Variants in GRID2 observed in about 807,000 individuals in gnomAD.
GRID2 encodes glutamate ionotropic receptor delta type subunit 2.
Under a neutral mutation model 114.8 loss-of-function variants are expected in GRID2, and 33 were observed. The observed-to-expected ratio is 0.29, with a 90% CI of 0.22 to 0.38. The LOEUF (loss-of-function observed/expected upper bound fraction) is 0.38. GRID2 is among the 10% of genes least tolerant of loss of function. GRID2 has a pLI of 1.00. For missense variants in GRID2, 1,184 were observed against 1,257.7 expected (o/e 0.94, Z 0.89); for synonymous variants, 505 against 449.9 (o/e 1.12, Z -1.55).
chr4:93,534,911 A>G (rs1458564394), intron 13 of GRID2, among the ~76,000 whole-genome samples: 2 of 148,904 alleles, frequency 1.3e-5, no homozygotes, highest in Non-Finnish European at 1.5e-5. Flanking sequence ...AGTATACAGT[A>G]TGTTGTTATT....
chr4:92,575,310 C>T (rs1372116322), intron 1 of GRID2, among the ~76,000 whole-genome samples: 1 of 152,182 alleles, frequency 6.6e-6, no homozygotes, highest in Non-Finnish European at 1.5e-5. Context: ...AAGTCTACTT[C>T]TGTCATTTCA....
At chr4:93,675,821 T>A (rs1724803095) in intron 14 of GRID2, among the ~76,000 whole-genome samples, 1 of 152,244 alleles carries the variant, frequency 6.6e-6, no homozygotes, top group Non-Finnish European at 1.5e-5. Context: ...TTTTCAAGGT[T>A]AAATTGCAAA....
chr4:92,652,963 C>CAT (rs1322961079), intron 2 of GRID2, among the ~76,000 whole-genome samples: 5 of 108,666 alleles, frequency 4.6e-5, no homozygotes, highest in African/African-American at 1.0e-4. Context: ...TATATATAAA[C>CAT]ATATTTATAA....
At chr4:93,432,369 G>A (rs1407477234) in intron 10 of GRID2, among the ~76,000 whole-genome samples, 1 of 152,114 alleles carries the variant, frequency 6.6e-6, no homozygotes. Context: ...GATTAAGGAA[G>A]CATAGCCATG....
At chr4:92,403,649 G>A (rs183228328) in intron 1 of GRID2, among the ~76,000 whole-genome samples, 14 of 151,444 alleles carry the variant, frequency 9.2e-5, no homozygotes, top group African/African-American at 3.2e-4. Context: ...CAGAGATTGC[G>A]CCACTGTACT....
chr4:93,558,011 G>A (rs1734487617), intron 13 of GRID2, among the ~76,000 whole-genome samples: 1 of 152,154 alleles, frequency 6.6e-6, no homozygotes, highest in Non-Finnish European at 1.5e-5. Context: ...TGAAATTAAG[G>A]CAGAGATAAA....
intron 13 of GRID2, among the ~76,000 whole-genome samples, chr4:93,612,049 G>A (rs1285794605): frequency 1.3e-5 from 2 of 152,020 alleles, no homozygotes; most frequent in Admixed American, 6.6e-5. Flanking sequence ...TTGTTGAATT[G>A]ATCCCTTTAC....
At chr4:92,616,497 T>C (rs560134315) in intron 2 of GRID2, among the ~76,000 whole-genome samples, 5 of 151,774 alleles carry the variant, frequency 3.3e-5, no homozygotes, top group African/African-American at 9.6e-5. Flanking sequence ...ATTGAACTTA[T>C]TGAATATATG....
At chr4:93,378,538 TAATAA>T (rs1335303842) in intron 8 of GRID2, among the ~76,000 whole-genome samples, 1 of 152,108 alleles carries the variant, frequency 6.6e-6, no homozygotes, top group African/African-American at 2.4e-5. Flanking sequence ...ACCACAATTA[TAATAA>T]AATCTCATAC....
At chr4:93,011,417 TC>T (rs1465346296) in intron 2 of GRID2, among the ~76,000 whole-genome samples, 2 of 151,976 alleles carry the variant, frequency 1.3e-5, no homozygotes, top group Non-Finnish European at 2.9e-5. Flanking sequence ...CCATTTCTTC[TC>T]CCCAGAGGTG....
chr4:92,869,747 C>A (rs151011284), intron 2 of GRID2, among the ~76,000 whole-genome samples: 2 of 152,278 alleles, frequency 1.3e-5, no homozygotes, highest in African/African-American at 4.8e-5. Context: ...CCTATCACAG[C>A]AATTTCTCTC....
intron 8 of GRID2, among the ~76,000 whole-genome samples, chr4:93,338,493 CAGTAAA>C (rs1337818340): frequency 6.6e-6 from 1 of 151,992 alleles, no homozygotes; most frequent in Non-Finnish European, 1.5e-5. Flanking sequence ...ATGTAGATAA[CAGTAAA>C]AGGTAGTAAA....
At chr4:92,707,374 G>A (rs1038747714) in intron 2 of GRID2, among the ~76,000 whole-genome samples, 4 of 152,044 alleles carry the variant, frequency 2.6e-5, no homozygotes, top group South Asian at 2.1e-4. Flanking sequence ...TTGACATAAA[G>A]ATCTGAAAAT....
chr4:93,560,670 G>T (rs1450670326), intron 13 of GRID2, among the ~76,000 whole-genome samples: 1 of 152,106 alleles, frequency 6.6e-6, no homozygotes, highest in Non-Finnish European at 1.5e-5. Context: ...TGTAGAGACA[G>T]GATTTTGCTG....
chr4:92,706,126 G>A (rs1436593202), intron 2 of GRID2, among the ~76,000 whole-genome samples: 2 of 152,108 alleles, frequency 1.3e-5, no homozygotes, highest in African/African-American at 4.8e-5. Flanking sequence ...TAAGAAAAAC[G>A]GGGGAGCATC....
intron 1 of GRID2, among the ~76,000 whole-genome samples, chr4:92,366,952 A>C (rs1228204274): frequency 6.6e-5 from 10 of 152,124 alleles, no homozygotes; most frequent in Admixed American, 4.6e-4. Context: ...AGAAAAGTAA[A>C]TAAAAGATCA....
intron 1 of GRID2, among the ~76,000 whole-genome samples, chr4:93,789,823 C>A (rs947975763): frequency 6.6e-6 from 1 of 152,066 alleles, no homozygotes; most frequent in Non-Finnish European, 1.5e-5. Context: ...AGCAGGAGTC[C>A]CCAATCCCCG....
intron 13 of GRID2, among the ~76,000 whole-genome samples, chr4:93,517,100 GA>G (rs1729807387): frequency 6.6e-6 from 1 of 151,902 alleles, no homozygotes; most frequent in Non-Finnish European, 1.5e-5. Flanking sequence ...ATGAAGATAA[GA>G]ATTCTACCTC....
At chr4:93,320,128 G>T (rs576314670) in intron 8 of GRID2, among the ~76,000 whole-genome samples, 117 of 152,204 alleles carry the variant, frequency 7.7e-4, no homozygotes, top group Admixed American at 1.8e-3. Flanking sequence ...TAAAGCGAAA[G>T]AAAGGCTTTT....
Sources: gnomAD v4.1 joint callset for allele counts (sites outside exome capture counted in the v4.1 genomes callset) on GRCh38, gnomAD v4.1.1 for gene constraint, MANE v1.5 for transcripts, NCBI Gene and HGNC (gene_info 2026-07-23, HGNC 2026-07-21) for gene names.